Variants in MATN2 observed in about 807,000 individuals in gnomAD.
MATN2 encodes matrilin-2.
Under a neutral mutation model 103.2 loss-of-function variants are expected in MATN2, and 69 were observed. The observed-to-expected ratio is 0.67, with a 90% CI of 0.55 to 0.82. The LOEUF is 0.82. Ranked by LOEUF, MATN2 falls within the 40% of genes least tolerant of loss-of-function variation. The probability of loss-of-function intolerance (pLI) is 0.00; values close to 1 mark genes in which losing one functional copy is unlikely to be tolerated. For missense variants in MATN2, 1,023 were observed against 1,211.5 expected (o/e 0.84, Z 2.31); for synonymous variants, 429 against 450.2 (o/e 0.95, Z 0.60).
chr8:97,893,670 A>G (rs1292608187), intron 2 of MATN2, among the ~76,000 whole-genome samples: 1 of 151,872 alleles, frequency 6.6e-6, no homozygotes, highest in Non-Finnish European at 1.5e-5. Flanking sequence ...TCCGCCTCCC[A>G]GGTTCAAGTG....
intron 7 of MATN2, among the ~76,000 whole-genome samples, chr8:97,998,077 C>A (rs1301414651): frequency 6.6e-6 from 1 of 151,274 alleles, no homozygotes; most frequent in African/African-American, 2.4e-5. Context: ...TCCTCAGTCT[C>A]CCAAAGTGCT....
intron 5 of MATN2, among the ~76,000 whole-genome samples, chr8:97,965,604 TAGG>T (rs938108570): frequency 2.0e-5 from 3 of 152,166 alleles, no homozygotes; most frequent in Admixed American, 6.5e-5. Context: ...GAGGCCAAAG[TAGG>T]AGGATTGCTT....
chr8:97,889,457 G>C (rs983838652), intron 2 of MATN2, among the ~76,000 whole-genome samples: 17 of 15,652 alleles, frequency 1.1e-3, no homozygotes, highest in South Asian at 6.7e-3. Context: ...CTCTCTCTCT[G>C]TCTATATATA....
chr8:97,968,158 G>A (rs1217846167), intron 5 of MATN2, among the ~76,000 whole-genome samples: 1 of 152,264 alleles, frequency 6.6e-6, no homozygotes, highest in Non-Finnish European at 1.5e-5. Flanking sequence ...GGAGCAGTGT[G>A]CTGAGGCTAC....
intron 13 of MATN2, among the ~76,000 whole-genome samples, chr8:98,023,348 C>T (rs1813670673): frequency 6.6e-6 from 1 of 152,138 alleles, no homozygotes. Context: ...ACAAAGCCAT[C>T]ACAAGGAATA....
At chr8:97,882,370 C>G (rs2129957310) in intron 1 of MATN2, among the ~76,000 whole-genome samples, 1 of 151,742 alleles carries the variant, frequency 6.6e-6, no homozygotes, top group East Asian at 1.9e-4. Context: ...TGTTAGTTTT[C>G]AAGTCACTGT....
chr8:97,955,909 C>T (rs1453371788), intron 4 of MATN2, among the ~76,000 whole-genome samples: 3 of 152,292 alleles, frequency 2.0e-5, no homozygotes, highest in South Asian at 4.1e-4. Flanking sequence ...GTCATGACAG[C>T]TTTTCTGGTG....
chr8:98,003,515 A>G, intron 7 of MATN2, 146 bp from the exon 8 acceptor site: 1 of 803,876 alleles, frequency 1.2e-6, no homozygotes, highest in East Asian at 2.7e-5. Context: ...CTGGCAGACA[A>G]ACGAATGAAT....
chr8:97,953,165 A>G (rs1462075729), intron 4 of MATN2, among the ~76,000 whole-genome samples: 2 of 151,638 alleles, frequency 1.3e-5, no homozygotes, highest in African/African-American at 4.8e-5. Flanking sequence ...TTGGCCTCCC[A>G]AAGTGCTGGG....
At chr8:97,940,357 C>A (rs1261674859) in intron 3 of MATN2, among the ~76,000 whole-genome samples, 1 of 152,162 alleles carries the variant, frequency 6.6e-6, no homozygotes, top group Middle Eastern at 3.2e-3. Context: ...ACAAAAAAAG[C>A]TGTTTGTTTC....
At chr8:97,990,980 T>C (rs1812370426) in intron 6 of MATN2, among the ~76,000 whole-genome samples, 1 of 152,192 alleles carries the variant, frequency 6.6e-6, no homozygotes, top group African/African-American at 2.4e-5. Flanking sequence ...CAGATTGTTT[T>C]TCTTGAGTAT....
At chr8:97,893,529 T>A (rs1818704259) in intron 2 of MATN2, among the ~76,000 whole-genome samples, 1 of 152,114 alleles carries the variant, frequency 6.6e-6, no homozygotes, top group African/African-American at 2.4e-5. Context: ...TTTGGAAACC[T>A]TAACCCTCCT....
chr8:97,973,578 T>A (rs1005138978), intron 5 of MATN2, among the ~76,000 whole-genome samples: 5 of 151,288 alleles, frequency 3.3e-5, no homozygotes, highest in Admixed American at 2.0e-4. Flanking sequence ...AATCTTTTTT[T>A]TTTTTTTTTT....
chr8:98,035,613 A>C (rs1282923944), intron 18 of MATN2, 44 bp from the exon 19 acceptor site: 3 of 1,204,968 alleles, frequency 2.5e-6, no homozygotes, highest in Non-Finnish European at 3.6e-6. Flanking sequence ...TTTAAATGTA[A>C]ATAAAAATAG....
chr8:97,934,683 A>G (rs967551844), intron 3 of MATN2, among the ~76,000 whole-genome samples: 7 of 152,244 alleles, frequency 4.6e-5, no homozygotes, highest in African/African-American at 1.7e-4. Context: ...TGAGAGCTTC[A>G]GTATTTAAAA....
chr8:97,961,458 A>C lies in MATN2; in HGVS notation c.886A>C (p.Asn296His), dbSNP rs777938930. The stretch of plus-strand genomic sequence containing the variant: ...CCACAACTGTGAGCAGCTCTGTGTG[A>C]ATGTGCCGGGCTCCTTCGTCTGCCA... ...EDHNCEQLCVNVPGSFVCQCY... is the reference protein window; with the variant it reads ...EDHNCEQLCVHVPGSFVCQCY... The change falls in exon 5 of 19, where the codon AAT becomes CAT. Residue 296 changes from asparagine to histidine, a missense_variant. Transcript: ENST00000254898. 1 of 1,613,816 alleles carries C rather than the reference A, an allele frequency of 6.2e-7. No individual in the cohort carries two copies.
In MATN2 at chr8:97,978,845, T is replaced by G. The variant is rs1442150554; in HGVS notation, c.959-41T>G. 3.7e-6 allele frequency: 6 copies of G among 1,609,802 alleles called. No homozygotes were observed. In the African/African-American group the frequency reaches 8.0e-5, roughly 22 times the overall value. On this transcript the variant is annotated intron_variant, in intron 5 of 18. Coordinates refer to ENST00000254898, the MANE Select transcript of MATN2 (RefSeq NM_002380.5). ...CTCATCCTACCATTCCCTTTTCCTC[T>G]GTTTGCATTTCTAATTCTGAATGTG...
chr8:97,948,510 A>G (rs555482389), intron 4 of MATN2, among the ~76,000 whole-genome samples: 2 of 152,360 alleles, frequency 1.3e-5, no homozygotes, highest in South Asian at 4.1e-4. Flanking sequence ...ATATAGAGCA[A>G]TGGAACAGAA....
chr8:98,009,347 G>A (rs541461995), intron 10 of MATN2, among the ~76,000 whole-genome samples: 1 of 152,312 alleles, frequency 6.6e-6, no homozygotes, highest in African/African-American at 2.4e-5. Flanking sequence ...GTGTTCCCCA[G>A]CTCTACTCTC....
Sources: gnomAD v4.1 joint callset for allele counts (sites outside exome capture counted in the v4.1 genomes callset) on GRCh38, gnomAD v4.1.1 for gene constraint, MANE v1.5 for transcripts, NCBI Gene and HGNC (gene_info 2026-07-23, HGNC 2026-07-21) for gene names.